The following KDM2A variants were observed in gnomAD, a reference collection of about 807,000 sequenced individuals.
KDM2A encodes lysine demethylase 2A.
In KDM2A, 3 loss-of-function variants were observed where a neutral mutation model predicts 137.3. That is an observed-to-expected ratio of 0.02 (90% CI 0.01 to 0.06). The LOEUF (loss-of-function observed/expected upper bound fraction) is 0.06, where lower values mean the gene tolerates loss of function less well. KDM2A is among the 10% of genes least tolerant of loss of function. The probability of loss-of-function intolerance (pLI) is 1.00; values close to 1 mark genes in which losing one functional copy is unlikely to be tolerated. For missense variants in KDM2A, 738 were observed against 1,510.6 expected, an observed-to-expected ratio of 0.49 and a Z score of 8.48; for synonymous variants, 512 against 541.5, an observed-to-expected ratio of 0.95 and a Z score of 0.76.
chr11:67,197,859 A>G (rs900109675), intron 5 of KDM2A, among the ~76,000 whole-genome samples: 4 of 152,190 alleles, frequency 2.6e-5, no homozygotes, highest in African/African-American at 9.7e-5. Flanking sequence ...AGAAATCTAC[A>G]TATAAATTGG....
At chr11:67,229,734 G>A (rs778163107) in intron 11 of KDM2A, among the ~76,000 whole-genome samples, 2 of 151,868 alleles carry the variant, frequency 1.3e-5, no homozygotes, top group Non-Finnish European at 2.9e-5. Flanking sequence ...GCCAGGCGTG[G>A]TGTTGCGCAC....
chr11:67,211,091 C>T (rs1219461835), intron 6 of KDM2A, among the ~76,000 whole-genome samples: 1 of 152,024 alleles, frequency 6.6e-6, no homozygotes, highest in Non-Finnish European at 1.5e-5. Flanking sequence ...TAGCTACAAT[C>T]ATGTTATTTT....
At chr11:67,147,982 TAG>T (rs1403984618) in intron 2 of KDM2A, among the ~76,000 whole-genome samples, 1 of 151,960 alleles carries the variant, frequency 6.6e-6, no homozygotes, top group Non-Finnish European at 1.5e-5. Context: ...CGGCCCTCAT[TAG>T]AGAGTCTTAT....
intron 5 of KDM2A, among the ~76,000 whole-genome samples, chr11:67,192,000 T>C (rs1857366207): frequency 6.6e-6 from 1 of 152,234 alleles, no homozygotes; most frequent in African/African-American, 2.4e-5. Flanking sequence ...TTGTCAAATA[T>C]TTCAAATATA....
At chr11:67,234,734 T>C (rs950549369) in intron 12 of KDM2A, among the ~76,000 whole-genome samples, 2 of 152,162 alleles carry the variant, frequency 1.3e-5, no homozygotes, top group Non-Finnish European at 2.9e-5. Flanking sequence ...GTGTTTGTGA[T>C]CCCAGCTACG....
intron 11 of KDM2A, among the ~76,000 whole-genome samples, chr11:67,229,314 G>T (rs976209353): frequency 6.6e-5 from 10 of 152,142 alleles, no homozygotes; most frequent in African/African-American, 2.4e-4. Context: ...AAACCAGGTT[G>T]GTCAGACTCT....
rs1245525071 is a variant in KDM2A at position 67,245,216 on chromosome 11, C to T, written c.1591C>T (p.Arg531Trp). The stretch of plus-strand genomic sequence containing the variant: ...TAAATTCCCCACTCGGCCAAAGGTG[C>T]GGGTTCCTACCATCCCCATTACGAA... ...KLKFPTRPKV[R>W]VPTIPITKPH... is the part of the protein sequence containing the mutation. The change falls in exon 14 of 21, where the codon CGG (arginine) becomes TGG (tryptophan). Residue 531 changes from arginine to tryptophan, a missense_variant. Arg to Trp is a moderately radical substitution (Grantham distance 101). Around this residue, in one of 9 missense-constraint regions of KDM2A, gnomAD observed 71 missense variants for 147.9 expected, o/e 0.48. Transcript: ENST00000529006. The surrounding 1 kb of genome is among the most constrained non-coding windows in gnomAD (Gnocchi z 4.1). 1 of 1,613,802 alleles carries T rather than the reference C, an allele frequency of 6.2e-7. No homozygotes were observed. The highest frequency in any genetic ancestry group is 1.1e-5 in the South Asian group (1 of 91,078).
chr11:67,244,985 C>CAAA (rs367648085), intron 13 of KDM2A: 74 of 343,180 alleles, frequency 2.2e-4, no homozygotes, highest in South Asian at 4.0e-4. Context: ...GACTCTGTCT[C>CAAA]AAAAAAAAAA....
chr11:67,135,067 C>CTT (rs879775886), intron 2 of KDM2A, among the ~76,000 whole-genome samples: 3 of 145,538 alleles, frequency 2.1e-5, no homozygotes, highest in Admixed American at 7.0e-5. Context: ...ATAAGATTTT[C>CTT]TTTTTTTTTT....
chr11:67,132,565 GC>G (rs764134704), intron 2 of KDM2A, among the ~76,000 whole-genome samples: 4 of 152,150 alleles, frequency 2.6e-5, no homozygotes, highest in Non-Finnish European at 5.9e-5. Flanking sequence ...GGGATTATAG[GC>G]ATGAGCCGCT....
chr11:67,152,741 G>A (rs1193253537), intron 2 of KDM2A, among the ~76,000 whole-genome samples: 3 of 152,102 alleles, frequency 2.0e-5, no homozygotes, highest in Non-Finnish European at 2.9e-5. Context: ...TTATCTTGCT[G>A]TAGAATTTCA....
Position 67,250,586 on chromosome 11 carries a change from G to T in KDM2A, c.2556G>T (p.Gly852=). The change falls in exon 17 of 21, where the codon GGG becomes GGT. Residue 852 remains glycine (G), a synonymous_variant. Coordinates refer to ENST00000529006, the MANE Select transcript of KDM2A (RefSeq NM_012308.3). This position sits in a 1 kb window ranked among gnomAD's most constrained non-coding sequence, Gnocchi z 7.1. The part of the protein sequence containing the change: ...ARTPQRGDEE[G]LGGEEEEEEE... ...CCCCCCAGCGTGGGGATGAGGAGGG[G>T]CTGGGGGGAGAGGAGGAGGAAGAGG... 6.2e-7 allele frequency: 1 copy of T among 1,613,286 alleles called. No homozygotes were observed. The highest frequency in any genetic ancestry group is 8.5e-7 in the Non-Finnish European group (1 of 1,179,454).
At chr11:67,171,988 T>G (rs1856890631) in intron 2 of KDM2A, among the ~76,000 whole-genome samples, 2 of 152,324 alleles carry the variant, frequency 1.3e-5, no homozygotes, top group South Asian at 4.1e-4. Flanking sequence ...TAGTGAGTTC[T>G]TCACTCTTCT....
At chr11:67,163,351 A>C (rs1856674805) in intron 2 of KDM2A, among the ~76,000 whole-genome samples, 1 of 152,212 alleles carries the variant, frequency 6.6e-6, no homozygotes, top group South Asian at 2.1e-4. Flanking sequence ...CTAGGATTAG[A>C]CATTTGATAT....
At chr11:67,145,813 T>G (rs1460225033) in intron 2 of KDM2A, among the ~76,000 whole-genome samples, 1 of 152,024 alleles carries the variant, frequency 6.6e-6, no homozygotes, top group Non-Finnish European at 1.5e-5. Context: ...GAATCATACA[T>G]TTTCCTTCCT....
intron 8 of KDM2A, among the ~76,000 whole-genome samples, chr11:67,217,207 A>T (rs1326546703): frequency 6.9e-6 from 1 of 145,388 alleles, no homozygotes; most frequent in African/African-American, 2.6e-5. Flanking sequence ...GTGCCACTGC[A>T]CTCCAGCCTG....
At chr11:67,129,843 A>C (rs2136282465) in intron 2 of KDM2A, among the ~76,000 whole-genome samples, 1 of 151,474 alleles carries the variant, frequency 6.6e-6, no homozygotes, top group Middle Eastern at 3.4e-3. Context: ...CTCGGGAGGC[A>C]GAGGTTGCTG....
chr11:67,214,638 C>T (rs1051602190), intron 6 of KDM2A, among the ~76,000 whole-genome samples: 2 of 152,072 alleles, frequency 1.3e-5, no homozygotes, highest in African/African-American at 2.4e-5. Flanking sequence ...CTGATCCCAA[C>T]TATTTTTTTA....
chr11:67,208,985 G>C (rs972902104), intron 6 of KDM2A, among the ~76,000 whole-genome samples: 2 of 151,532 alleles, frequency 1.3e-5, no homozygotes, highest in East Asian at 3.9e-4. Flanking sequence ...CCGGGATATA[G>C]AGTGCGGTGG....
Sources: gnomAD v4.1 joint callset for allele counts (sites outside exome capture counted in the v4.1 genomes callset) on GRCh38, gnomAD v4.1.1 for gene constraint, gnomAD v4.1.1 regional missense constraint, Gnocchi (gnomAD v3.1) non-coding constraint, MANE v1.5 for transcripts, NCBI Gene and HGNC (gene_info 2026-07-23, HGNC 2026-07-21) for gene names.